The following CSTPP1 variants were observed in gnomAD, a reference collection of about 807,000 sequenced individuals.
The protein encoded by CSTPP1 is centriolar satellite-associated tubulin polyglutamylase complex regulator 1, also known as UPF0705 protein C11orf49.
chr11:47,153,871 C>T, the CSTPP1 span, among the ~76,000 whole-genome samples: 1 of 152,120 alleles, frequency 6.6e-6, no homozygotes, highest in Non-Finnish European at 1.5e-5. Flanking sequence ...GATCCAGTTG[C>T]CAGTCTGGGA....
the CSTPP1 span, among the ~76,000 whole-genome samples, chr11:46,978,727 T>C: frequency 1.3e-5 from 2 of 152,200 alleles, no homozygotes; most frequent in African/African-American, 4.8e-5. Context: ...AAACAGTATG[T>C]GGAGATAGTT....
the CSTPP1 span, among the ~76,000 whole-genome samples, chr11:47,056,839 C>T: frequency 6.6e-6 from 1 of 152,124 alleles, no homozygotes; most frequent in South Asian, 2.1e-4. Flanking sequence ...TGCCAGGTAC[C>T]TACCTACTCA....
At chr11:47,010,402 G>A in the CSTPP1 span, among the ~76,000 whole-genome samples, 1 of 152,226 alleles carries the variant, frequency 6.6e-6, no homozygotes, top group Non-Finnish European at 1.5e-5. Flanking sequence ...GCTATCTTAA[G>A]CAAAGAGACT....
chr11:47,022,035 G>GTTT, the CSTPP1 span, among the ~76,000 whole-genome samples: 1 of 139,206 alleles, frequency 7.2e-6, no homozygotes. Context: ...CACATATATG[G>GTTT]TTTTTTTTTT....
At chr11:47,035,089 T>G in the CSTPP1 span, among the ~76,000 whole-genome samples, 1 of 152,230 alleles carries the variant, frequency 6.6e-6, no homozygotes, top group Non-Finnish European at 1.5e-5. Context: ...GTTAAAAAAG[T>G]ATTTCACCAA....
the CSTPP1 span, among the ~76,000 whole-genome samples, chr11:47,117,884 T>C: frequency 2.5e-4 from 35 of 139,136 alleles, no homozygotes; most frequent in Non-Finnish European, 4.2e-4. Context: ...TTTCTTTTTT[T>C]TTTTTTTTTT....
chr11:46,983,740 G>A, the CSTPP1 span, among the ~76,000 whole-genome samples: 5 of 152,130 alleles, frequency 3.3e-5, no homozygotes, highest in East Asian at 1.9e-4. Context: ...GGATTTTCCC[G>A]TGTTGGGTGG....
the CSTPP1 span, chr11:47,137,659 A>G: frequency 6.2e-7 from 1 of 1,614,170 alleles, no homozygotes; most frequent in Non-Finnish European, 8.5e-7. Context: ...GCTGACCATG[A>G]AAGAATATCA....
the CSTPP1 span, among the ~76,000 whole-genome samples, chr11:47,163,813 A>G: frequency 6.6e-6 from 1 of 151,694 alleles, no homozygotes; most frequent in Non-Finnish European, 1.5e-5. Context: ...CACCCCGCTA[A>G]TTTTGTATTT....
chr11:47,061,554 T>C, the CSTPP1 span, among the ~76,000 whole-genome samples: 1 of 152,232 alleles, frequency 6.6e-6, no homozygotes, highest in Non-Finnish European at 1.5e-5. Flanking sequence ...AGTGGGTGGC[T>C]GTCTTTGAAT....
At chr11:46,968,663 G>T in the CSTPP1 span, among the ~76,000 whole-genome samples, 2 of 151,748 alleles carry the variant, frequency 1.3e-5, no homozygotes, top group African/African-American at 4.8e-5. Context: ...CACTTTGGGC[G>T]GCTGAGGCAG....
the CSTPP1 span, among the ~76,000 whole-genome samples, chr11:47,129,986 C>T: frequency 2.6e-5 from 4 of 152,136 alleles, no homozygotes; most frequent in South Asian, 2.1e-4. Flanking sequence ...CAGCCGGGTG[C>T]GGTGGCTCAC....
At chr11:46,954,763 A>G in the CSTPP1 span, among the ~76,000 whole-genome samples, 1 of 150,002 alleles carries the variant, frequency 6.7e-6, no homozygotes, top group South Asian at 2.1e-4. Context: ...TAACCTTCTC[A>G]CCCCGAAGTC....
chr11:46,937,215 C>G, the CSTPP1 span, among the ~76,000 whole-genome samples: 1 of 152,120 alleles, frequency 6.6e-6, no homozygotes, highest in African/African-American at 2.4e-5. Flanking sequence ...TCGAGCTTTT[C>G]TTTTTCATTA....
At chr11:47,024,436 G>C in the CSTPP1 span, among the ~76,000 whole-genome samples, 1 of 151,830 alleles carries the variant, frequency 6.6e-6, no homozygotes, top group South Asian at 2.1e-4. Context: ...GGCAGGAAGA[G>C]TGAGTTTTCA....
the CSTPP1 span, among the ~76,000 whole-genome samples, chr11:47,163,186 A>AG: frequency 6.6e-6 from 1 of 151,640 alleles, no homozygotes; most frequent in Non-Finnish European, 1.5e-5. Flanking sequence ...AAAAAAAAAA[A>AG]AAAAAAAGCT....
chr11:47,161,810 C>T, the CSTPP1 span: 1 of 1,405,620 alleles, frequency 7.1e-7, no homozygotes, highest in African/African-American at 1.4e-5. Flanking sequence ...CAGCCAGTGG[C>T]CCCGGAAGGT....
At chr11:47,116,130 G>A in the CSTPP1 span, among the ~76,000 whole-genome samples, 4 of 152,286 alleles carry the variant, frequency 2.6e-5, no homozygotes, top group South Asian at 4.1e-4. Context: ...GCAGTTTTGC[G>A]TGAATTTCTT....
chr11:46,942,988 T>C, the CSTPP1 span, among the ~76,000 whole-genome samples: 1 of 152,242 alleles, frequency 6.6e-6, no homozygotes, highest in Non-Finnish European at 1.5e-5. Context: ...TTATTAAGGA[T>C]GAGGCTCTTG....
Sources: allele counts gnomAD v4.1 joint callset (sites outside exome capture counted in the v4.1 genomes callset), GRCh38; gene constraint gnomAD v4.1.1; transcripts MANE v1.5; gene names NCBI Gene and HGNC (gene_info 2026-07-23, HGNC 2026-07-21).